The following CPSF4L variants were observed in gnomAD, a reference collection of about 807,000 sequenced individuals.
CPSF4L encodes the protein cleavage and polyadenylation specific factor 4 like.
CPSF4L carries 18 observed loss-of-function variants against 24.0 expected under a neutral mutation model. That is an observed-to-expected ratio of 0.75 (90% CI 0.52 to 1.11). The LOEUF (loss-of-function observed/expected upper bound fraction) is 1.11. CPSF4L is among the 50% of genes least tolerant of loss of function. The pLI, the probability that CPSF4L is intolerant of heterozygous loss-of-function variation, is 0.00. For missense variants in CPSF4L, 211 were observed against 221.8 expected, an observed-to-expected ratio of 0.95 and a Z score of 0.31; for synonymous variants, 72 against 77.2, an observed-to-expected ratio of 0.93 and a Z score of 0.35.
chr17:73,248,371 T>C (rs1299936765), downstream of CPSF4L: 1 of 888,650 alleles, frequency 1.1e-6, no homozygotes, highest in East Asian at 2.7e-5. Flanking sequence ...TCTAACATGA[T>C]TTACCATTTT....
downstream of CPSF4L, chr17:73,248,313 G>A (rs2061980141): frequency 1.6e-6 from 1 of 610,492 alleles, no homozygotes; most frequent in African/African-American, 1.9e-5. Context: ...GTGTGAGGCG[G>A]GGTAACTACT....
chr17:73,244,559 C>CAAAAAAAAAAAA (rs71154984), downstream of CPSF4L: 1 of 77,276 alleles, frequency 1.3e-5, no homozygotes. Context: ...AACTGCATCT[C>CAAAAAAAAAAAA]AAAAAAAAAA....
chr17:73,262,340 G>A (rs2062050528), upstream of CPSF4L: 1 of 153,278 alleles, frequency 6.5e-6, no homozygotes. Context: ...TCCCTCTGGG[G>A]CCCCTGACAC....
chr17:73,261,705 C>T lies in CPSF4L; in HGVS notation c.103+11G>A, dbSNP rs952709692. Reference sequence around the variant, plus strand: ...AGGTAGGGGAGGGAAAGTGGCCCCACCCTCACTCACTGTCCATGCCCTGGA... The same window carrying T: ...AGGTAGGGGAGGGAAAGTGGCCCCATCCTCACTCACTGTCCATGCCCTGGA... On this transcript the variant is annotated intron_variant, in intron 1 of 5. Coordinates refer to ENST00000344935, the MANE Select transcript of CPSF4L (RefSeq NM_001129885.1). 1 of 1,526,030 alleles carries T rather than the reference C, an allele frequency of 6.6e-7. No individual in the cohort carries two copies. The highest frequency in any genetic ancestry group is 8.9e-7 in the Non-Finnish European group (1 of 1,123,678). 94.5% of individuals were successfully genotyped at this position (1,526,030 alleles called of 1,614,324 possible).
At chr17:73,259,410 G>A (rs2062036588) in intron 2 of CPSF4L, among the ~76,000 whole-genome samples, 1 of 152,006 alleles carries the variant, frequency 6.6e-6, no homozygotes, top group East Asian at 1.9e-4. Flanking sequence ...GCCCAGGCTG[G>A]TCTTGAGCGA....
At chr17:73,245,155 T>C (rs375958029), downstream of CPSF4L, 709 of 1,613,580 alleles carry the variant, frequency 4.4e-4, 1 homozygote, top group Non-Finnish European at 5.6e-4. Context: ...CATTTGTCTC[T>C]GTTTATCCAA....
In CPSF4L at chr17:73,260,860, G is replaced by C. The variant is rs568361834; in HGVS notation, c.154+73C>G. 103 of 1,282,880 alleles carry C rather than the reference G, an allele frequency of 8.0e-5. No homozygotes were observed. The African/African-American group carries it at 1.4e-3, about 17-fold the overall frequency. 79.5% of individuals were successfully genotyped at this position (1,282,880 alleles called of 1,614,324 possible). On this transcript the variant is annotated intron_variant, in intron 2 of 5. Transcript: ENST00000344935. Reference sequence around the variant, plus strand: ...GACACCCTATCCCAGGCCAGGCAGAGCCCCTGCTGGGTGTAGCTCAGACAG... The same window carrying C: ...GACACCCTATCCCAGGCCAGGCAGACCCCCTGCTGGGTGTAGCTCAGACAG...
At chr17:73,252,268 C>T (rs1243958355) in intron 5 of CPSF4L, among the ~76,000 whole-genome samples, 2 of 152,208 alleles carry the variant, frequency 1.3e-5, no homozygotes, top group South Asian at 2.1e-4. Flanking sequence ...ACATGCTCTG[C>T]GCCAGCCTGC....
At chr17:73,253,574 A>AC (rs1392378109) in intron 4 of CPSF4L, among the ~76,000 whole-genome samples, 5 of 152,090 alleles carry the variant, frequency 3.3e-5, no homozygotes, top group Non-Finnish European at 7.4e-5. Context: ...AACACTCAGG[A>AC]CCCCCCAGGT....
the CPSF4L span, chr17:73,242,967 T>G: frequency 6.2e-7 from 1 of 1,614,016 alleles, no homozygotes; most frequent in Non-Finnish European, 8.5e-7. Flanking sequence ...CACAGGATAC[T>G]TCGTCCTGTG....
intron 3 of CPSF4L, among the ~76,000 whole-genome samples, chr17:73,255,755 C>T (rs1188595391): frequency 6.6e-6 from 1 of 152,132 alleles, no homozygotes; most frequent in African/African-American, 2.4e-5. Context: ...GACATCACCC[C>T]CTAGGTGATG....
At chr17:73,257,907 T>A in intron 2 of CPSF4L, 74 bp from the exon 3 acceptor site, 1 of 1,486,144 alleles carries the variant, frequency 6.7e-7, no homozygotes, top group Non-Finnish European at 9.1e-7. Flanking sequence ...TCCAGGGGAT[T>A]CCCCAGGAGG....
At chr17:73,249,324 G>A (rs1193952495) in intron 5 of CPSF4L, among the ~76,000 whole-genome samples, 4 of 152,154 alleles carry the variant, frequency 2.6e-5, no homozygotes, top group South Asian at 2.1e-4. Flanking sequence ...TTTTACATGT[G>A]TTTTCTCCTT....
rs1599410721 is a variant in CPSF4L, at chr17:73,251,194, GC to G, written c.497+1435del. 7 of 1,334,824 alleles carry G rather than the reference GC, an allele frequency of 5.2e-6. No individual in the cohort carries two copies. The East Asian group carries it at 1.9e-4, about 36-fold the overall frequency. The allele number at this position is 1,334,824 out of a possible 1,614,324, so 82.7% of individuals were successfully genotyped here. On this transcript the variant is annotated intron_variant, in intron 5 of 5. Coordinates refer to ENST00000344935, the MANE Select transcript of CPSF4L (RefSeq NM_001129885.1). ...CACAGAGGGCCGGGACGCTGGCCATGCATTTAGGGTGAAACCAGGGTTCAAG... is the reference window on the plus strand; with the variant it reads ...CACAGAGGGCCGGGACGCTGGCCATGATTTAGGGTGAAACCAGGGTTCAAG...
chr17:73,250,724 T>G (rs2062001995), intron 5 of CPSF4L, among the ~76,000 whole-genome samples: 1 of 152,164 alleles, frequency 6.6e-6, no homozygotes, highest in Non-Finnish European at 1.5e-5. Flanking sequence ...AAGAAGAATT[T>G]TAAGGACGTT....
At chr17:73,253,874 A>G in intron 4 of CPSF4L, 57 bp downstream of exon 4, 1 of 1,226,162 alleles carries the variant, frequency 8.2e-7, no homozygotes, top group South Asian at 1.3e-5. Context: ...TCCCCTGCTG[A>G]GAGCTCCCAC....
intron 3 of CPSF4L, among the ~76,000 whole-genome samples, chr17:73,257,397 T>C (rs555792498): frequency 9.3e-5 from 14 of 151,318 alleles, no homozygotes; most frequent in African/African-American, 3.2e-4. Flanking sequence ...TCAGGCTGGG[T>C]GTGTGATGAA....
chr17:73,249,246 T>TA (rs2061991530), intron 5 of CPSF4L, among the ~76,000 whole-genome samples: 2 of 152,210 alleles, frequency 1.3e-5, no homozygotes, highest in Admixed American at 6.5e-5. Flanking sequence ...AGAGAGGCCC[T>TA]ACTGCAATCC....
intron 5 of CPSF4L, among the ~76,000 whole-genome samples, chr17:73,249,421 G>C (rs1015404072): frequency 3.9e-5 from 6 of 152,058 alleles, no homozygotes; most frequent in Admixed American, 3.3e-4. Flanking sequence ...ATTTGCCTAC[G>C]TAGCTCTGTG....
Sources: allele counts gnomAD v4.1 joint callset (sites outside exome capture counted in the v4.1 genomes callset), GRCh38; gene constraint gnomAD v4.1.1; transcripts MANE v1.5; gene names NCBI Gene and HGNC (gene_info 2026-07-23, HGNC 2026-07-21).